The following LRRC37A2 variants were observed in gnomAD, a reference collection of about 807,000 sequenced individuals.
The protein encoded by LRRC37A2 is leucine-rich repeat-containing protein 37A2.
A neutral mutation model predicts 68.8 loss-of-function variants in LRRC37A2; 9 were observed. The observed-to-expected ratio is 0.13, with a 90% confidence interval of 0.08 to 0.23. The LOEUF (loss-of-function observed/expected upper bound fraction) is 0.23. Ranked by LOEUF, LRRC37A2 falls within the 10% of genes least tolerant of loss-of-function variation. The probability of loss-of-function intolerance (pLI) is 1.00; values close to 1 mark genes in which losing one functional copy is unlikely to be tolerated. For missense variants in LRRC37A2, 168 were observed against 950.4 expected (o/e 0.18, Z 10.82); for synonymous variants, 63 against 367.6 (o/e 0.17, Z 9.48).
At chr17:46,631,061 TACACACACAC>T in the LRRC37A2 span, among the ~76,000 whole-genome samples, 5 of 122,846 alleles carry the variant, frequency 4.1e-5, no homozygotes, top group South Asian at 2.6e-4. Context: ...TCTCTCTCTG[TACACACACAC>T]ACACACACAC....
At chr17:46,974,256 A>G in the LRRC37A2 span, among the ~76,000 whole-genome samples, 2 of 152,232 alleles carry the variant, frequency 1.3e-5, no homozygotes, top group African/African-American at 4.8e-5. Flanking sequence ...GCCAGACGCT[A>G]GGTCTGCCAT....
the LRRC37A2 span, among the ~76,000 whole-genome samples, chr17:46,802,556 C>T: frequency 6.6e-6 from 1 of 152,216 alleles, no homozygotes; most frequent in African/African-American, 2.4e-5. Flanking sequence ...GTGTGAGCCA[C>T]CGTGCCCGGC....
At chr17:46,727,982 A>C in the LRRC37A2 span, among the ~76,000 whole-genome samples, 1 of 151,908 alleles carries the variant, frequency 6.6e-6, no homozygotes, top group Non-Finnish European at 1.5e-5. Context: ...TGTGCCATGT[A>C]TTTTGGATAT....
chr17:46,498,874 T>A, the LRRC37A2 span, among the ~76,000 whole-genome samples: 2 of 150,824 alleles, frequency 1.3e-5, no homozygotes, highest in Admixed American at 1.3e-4. Flanking sequence ...TCAATGTATG[T>A]AGATATACGT....
At chr17:46,907,433 C>A in the LRRC37A2 span, among the ~76,000 whole-genome samples, 1 of 151,850 alleles carries the variant, frequency 6.6e-6, no homozygotes, top group African/African-American at 2.4e-5. Flanking sequence ...GTGTTGGGCT[C>A]GGTGGGAAGG....
At chr17:46,881,208 T>C in the LRRC37A2 span, among the ~76,000 whole-genome samples, 2 of 152,178 alleles carry the variant, frequency 1.3e-5, no homozygotes, top group East Asian at 3.9e-4. Flanking sequence ...GGGGTCCACA[T>C]TGCCTTAACT....
At chr17:46,782,592 A>G in the LRRC37A2 span, among the ~76,000 whole-genome samples, 1 of 152,242 alleles carries the variant, frequency 6.6e-6, no homozygotes, top group Non-Finnish European at 1.5e-5. Context: ...TTAGGTCAAG[A>G]AGCCGTTCAG....
the LRRC37A2 span, among the ~76,000 whole-genome samples, chr17:46,606,138 C>G: frequency 3.3e-5 from 1 of 29,902 alleles, no homozygotes; most frequent in African/African-American, 2.0e-4. Flanking sequence ...GAAATCACGC[C>G]ATTGCACTCC....
the LRRC37A2 span, chr17:46,978,804 C>T: frequency 3.5e-5 from 57 of 1,610,846 alleles, no homozygotes; most frequent in African/African-American, 5.4e-5. Context: ...CGGCGATCTG[C>T]GCCACCCGCG....
At chr17:46,957,438 C>T in the LRRC37A2 span, among the ~76,000 whole-genome samples, 3 of 152,116 alleles carry the variant, frequency 2.0e-5, no homozygotes, top group African/African-American at 4.8e-5. Flanking sequence ...CATGGTGAAA[C>T]CCCATCTCTA....
the LRRC37A2 span, among the ~76,000 whole-genome samples, chr17:46,489,557 C>T: frequency 6.7e-6 from 1 of 148,322 alleles, no homozygotes; most frequent in Non-Finnish European, 1.5e-5. Flanking sequence ...GTGATCTCGG[C>T]TCACTGCAAC....
chr17:46,787,769 C>A, the LRRC37A2 span, among the ~76,000 whole-genome samples: 1 of 152,194 alleles, frequency 6.6e-6, no homozygotes. Flanking sequence ...GCCTGGCCAA[C>A]ATGGCGAAAC....
At chr17:47,005,810 C>T in the LRRC37A2 span, 1 of 152,126 alleles carries the variant, frequency 6.6e-6, no homozygotes, top group Non-Finnish European at 1.5e-5. Flanking sequence ...AGCATCAAAG[C>T]CTCAGGATCC....
the LRRC37A2 span, among the ~76,000 whole-genome samples, chr17:46,974,802 C>T: frequency 2.6e-5 from 4 of 151,866 alleles, no homozygotes; most frequent in Non-Finnish European, 5.9e-5. Context: ...TTTCTAGCTG[C>T]GCTACCTCAG....
the LRRC37A2 span, chr17:47,022,023 C>T: frequency 1.9e-4 from 204 of 1,061,756 alleles, 3 homozygotes; most frequent in South Asian, 2.0e-3. Flanking sequence ...AGATATTTCT[C>T]CTCCATGCCC....
intron 6 of LRRC37A2, among the ~76,000 whole-genome samples, chr17:46,534,096 C>T (rs2054167215): frequency 1.4e-5 from 2 of 141,230 alleles, no homozygotes; most frequent in South Asian, 2.2e-4. Flanking sequence ...ACGTTGCAGC[C>T]TCCACCTCCC....
chr17:46,558,032 T>C (rs147668801), downstream of LRRC37A2, among the ~76,000 whole-genome samples: 450 of 139,192 alleles, frequency 3.2e-3, 83 homozygotes, highest in African/African-American at 0.012. Flanking sequence ...AGAGAAAAGA[T>C]ATCCACAGGG....
At chr17:46,788,247 G>A in the LRRC37A2 span, among the ~76,000 whole-genome samples, 2 of 152,268 alleles carry the variant, frequency 1.3e-5, no homozygotes, top group Non-Finnish European at 2.9e-5. Flanking sequence ...TTTTTCCTAA[G>A]CCATGTTTGC....
chr17:46,717,256 A>G, the LRRC37A2 span, among the ~76,000 whole-genome samples: 2 of 152,218 alleles, frequency 1.3e-5, no homozygotes, highest in African/African-American at 4.8e-5. Context: ...AGAAAGTCAA[A>G]TATCACATGT....
Sources: gnomAD v4.1 joint callset for allele counts (sites outside exome capture counted in the v4.1 genomes callset) on GRCh38, gnomAD v4.1.1 for gene constraint, MANE v1.5 for transcripts, NCBI Gene and HGNC (gene_info 2026-07-23, HGNC 2026-07-21) for gene names.